Variants in RACGAP1 observed in about 807,000 individuals in gnomAD.
RACGAP1 encodes rac GTPase-activating protein 1.
A neutral mutation model predicts 78.1 loss-of-function variants in RACGAP1; 30 were observed. The observed-to-expected ratio is 0.38, with a 90% CI of 0.29 to 0.52. RACGAP1 has a LOEUF of 0.52. Ranked by LOEUF, RACGAP1 falls within the 20% of genes least tolerant of loss-of-function variation. The pLI, the probability that RACGAP1 is intolerant of heterozygous loss-of-function variation, is 0.82. For synonymous variants in RACGAP1, 231 were observed against 264.8 expected (o/e 0.87, Z 1.24); for missense variants, 587 against 777.1 (o/e 0.76, Z 2.91).
Position 50,001,195 on chromosome 12 carries a change from A to G in RACGAP1, c.607T>C (p.Ser203Pro). 1.2e-6 allele frequency: 2 copies of G among 1,610,082 alleles called. No individual in the cohort carries two copies. Among genetic ancestry groups the G allele is most frequent in the Non-Finnish European group, 1.7e-6 (2 of 1,176,326 alleles). Residue 203 changes from serine (S) to proline (P), a missense_variant, in exon 7 of 17, where the codon TCC (serine) becomes CCC (proline). Ser to Pro is a moderately conservative substitution (Grantham distance 74). Transcript: ENST00000312377. The stretch of plus-strand genomic sequence containing the variant: ...ACCTGGTCTACTGCAGAGCCAATGG[A>G]ACGAGTTTTCTTTACAGGTCCAGGG... ...GPPGPVKKTR[S>P]IGSAVDQGNE...
chr12:50,026,977 CTT>C (rs2137769231), upstream of RACGAP1, among the ~76,000 whole-genome samples: 1 of 152,268 alleles, frequency 6.6e-6, no homozygotes, highest in Admixed American at 6.5e-5. Flanking sequence ...TCCACCTGGC[CTT>C]GAACAATAGC....
chr12:50,005,702 A>C (rs1948933995), intron 3 of RACGAP1, among the ~76,000 whole-genome samples: 3 of 152,234 alleles, frequency 2.0e-5, no homozygotes, highest in African/African-American at 7.2e-5. Context: ...TAGCAAAAAC[A>C]CTTTAGTGTC....
At chr12:50,023,316 A>G (rs1222072812) in intron 1 of RACGAP1, among the ~76,000 whole-genome samples, 1 of 152,232 alleles carries the variant, frequency 6.6e-6, no homozygotes, top group Non-Finnish European at 1.5e-5. Context: ...TCAACAGTGT[A>G]TAGGCTTACC....
upstream of RACGAP1, among the ~76,000 whole-genome samples, chr12:50,028,033 A>G (rs1355383549): frequency 6.6e-6 from 1 of 152,190 alleles, no homozygotes; most frequent in Non-Finnish European, 1.5e-5. Context: ...TGATCCTGTA[A>G]CGGACTCAAT....
At chr12:50,030,213 T>C (rs919994073), upstream of RACGAP1, among the ~76,000 whole-genome samples, 9 of 152,006 alleles carry the variant, frequency 5.9e-5, no homozygotes, top group African/African-American at 2.2e-4. Flanking sequence ...ACTAGCTGAA[T>C]GTAGTGGGCT....
intron 8 of RACGAP1, 115 bp from the exon 9 acceptor site, chr12:49,999,386 G>GTTCT: frequency 1.5e-6 from 2 of 1,309,580 alleles, no homozygotes; most frequent in Non-Finnish European, 2.1e-6. Context: ...CCAAAAGTGA[G>GTTCT]AACTAATGGC....
At chr12:50,024,388 T>C (rs760803916) in intron 1 of RACGAP1, among the ~76,000 whole-genome samples, 3 of 152,194 alleles carry the variant, frequency 2.0e-5, no homozygotes, top group Non-Finnish European at 4.4e-5. Flanking sequence ...TGGAGGCCAT[T>C]ATCCTCAGTG....
chr12:50,006,318 C>T, intron 3 of RACGAP1, 116 bp downstream of exon 3: 1 of 1,119,604 alleles, frequency 8.9e-7, no homozygotes, highest in Admixed American at 1.8e-5. Context: ...GAACAGGTCA[C>T]TTTCAGTTCT....
intron 2 of RACGAP1, among the ~76,000 whole-genome samples, chr12:50,009,261 AAAG>A (rs1441341390): frequency 6.6e-6 from 1 of 151,922 alleles, no homozygotes; most frequent in Non-Finnish European, 1.5e-5. Flanking sequence ...AAAAAAAAAA[AAAG>A]ATTTATAAAA....
At chr12:50,025,578 T>A (rs1475826314), upstream of RACGAP1, 1 of 979,810 alleles carries the variant, frequency 1.0e-6, no homozygotes, top group African/African-American at 1.8e-5. Flanking sequence ...CACGCGGAGG[T>A]GACGGGAACG....
chr12:50,031,575 G>T, intron 2 of RACGAP1: 1 of 498,258 alleles, frequency 2.0e-6, no homozygotes, highest in Non-Finnish European at 2.6e-6. Flanking sequence ...ACCCTCGTTT[G>T]CAGTTCCTCC....
chr12:50,017,970 C>A (rs1340528118), intron 1 of RACGAP1, among the ~76,000 whole-genome samples: 1 of 152,030 alleles, frequency 6.6e-6, no homozygotes, highest in Non-Finnish European at 1.5e-5. Flanking sequence ...TAGCCTGAGC[C>A]AACATGGCAA....
chr12:49,993,156 A>G (rs1420651639), intron 12 of RACGAP1, among the ~76,000 whole-genome samples: 1 of 152,210 alleles, frequency 6.6e-6, no homozygotes, highest in Non-Finnish European at 1.5e-5. Flanking sequence ...GTTAATCTAG[A>G]CAAGGTTGTC....
chr12:50,016,142 G>C (rs1185253052), intron 2 of RACGAP1, among the ~76,000 whole-genome samples: 1 of 152,184 alleles, frequency 6.6e-6, no homozygotes, highest in Admixed American at 6.5e-5. Flanking sequence ...AGCACTTTGG[G>C]AGGCCGAGGC....
Position 50,006,648 on chromosome 12 carries a change from G to A in RACGAP1, c.86-12C>T, listed in dbSNP as rs754298100. On this transcript the variant is annotated splice_polypyrimidine_tract_variant and intron_variant, in intron 2 of 16. Coordinates refer to ENST00000312377, the MANE Select transcript of RACGAP1 (RefSeq NM_001319999.2). ...CAACTGGATAAATTCTGAGGAAAGG[G>A]GGAATCTTTAATAATTCAAGCACCA... 3.7e-6 allele frequency: 6 copies of A among 1,611,866 alleles called. No individual in the cohort carries two copies. In the East Asian group the frequency reaches 1.1e-4, roughly 30 times the overall value.
chr12:50,016,261 T>C (rs1465109415), intron 2 of RACGAP1, among the ~76,000 whole-genome samples: 1 of 152,110 alleles, frequency 6.6e-6, no homozygotes. Flanking sequence ...CGTGTGTCTG[T>C]AATCCCTGCT....
upstream of RACGAP1, chr12:50,025,626 G>T: frequency 2.3e-6 from 2 of 885,928 alleles, no homozygotes; most frequent in African/African-American, 3.6e-5. Context: ...CGAAGCCAAA[G>T]GTGGCCATTT....
intron 2 of RACGAP1, among the ~76,000 whole-genome samples, chr12:50,014,454 G>A (rs1949533829): frequency 6.6e-6 from 1 of 152,092 alleles, no homozygotes; most frequent in African/African-American, 2.4e-5. Context: ...TTTCACCCAG[G>A]CGGGAGTGCA....
At chr12:50,015,269 G>A (rs1045700260) in intron 2 of RACGAP1, among the ~76,000 whole-genome samples, 2 of 152,130 alleles carry the variant, frequency 1.3e-5, no homozygotes, top group Non-Finnish European at 1.5e-5. Flanking sequence ...AGCCTCCTGA[G>A]TAGCTGGGAA....
Sources: gnomAD v4.1 joint callset for allele counts (sites outside exome capture counted in the v4.1 genomes callset) on GRCh38, gnomAD v4.1.1 for gene constraint, MANE v1.5 for transcripts, NCBI Gene and HGNC (gene_info 2026-07-23, HGNC 2026-07-21) for gene names.